Variants in ERF observed in about 807,000 individuals in gnomAD.
ERF encodes the protein ETS domain-containing transcription factor ERF.
ERF carries 10 observed loss-of-function variants against 41.6 expected under a neutral mutation model. The observed-to-expected ratio is 0.24, with a 90% CI of 0.15 to 0.41. The LOEUF (loss-of-function observed/expected upper bound fraction) is 0.41, where lower values mean the gene tolerates loss of function less well. Ranked by LOEUF, ERF falls within the 10% of genes least tolerant of loss-of-function variation. The probability of loss-of-function intolerance (pLI) is 1.00; values close to 1 mark genes in which losing one functional copy is unlikely to be tolerated. For synonymous variants in ERF, 395 were observed against 342.4 expected (o/e 1.15, Z -1.70); for missense variants, 621 against 763.2 (o/e 0.81, Z 2.19).
At chr19:42,254,590 G>C (rs569114767) in intron 1 of ERF, 5 of 191,778 alleles carry the variant, frequency 2.6e-5, no homozygotes, top group East Asian at 2.8e-4. Flanking sequence ...GCGCAGCGCA[G>C]AACCAGGGAT....
intron 1 of ERF, among the ~76,000 whole-genome samples, chr19:42,253,525 G>A (rs1486460816): frequency 1.3e-5 from 2 of 152,112 alleles, no homozygotes; most frequent in African/African-American, 4.8e-5. Flanking sequence ...AAGATGAAGC[G>A]AGGTTGTCTG....
At chr19:42,252,267 G>A (rs1007236025) in intron 1 of ERF, among the ~76,000 whole-genome samples, 1 of 152,122 alleles carries the variant, frequency 6.6e-6, no homozygotes, top group Non-Finnish European at 1.5e-5. Flanking sequence ...CCCCAATCTG[G>A]CTCTAGACCT....
chr19:42,254,228 G>C (rs1272248793), intron 1 of ERF, among the ~76,000 whole-genome samples: 1 of 151,664 alleles, frequency 6.6e-6, no homozygotes, highest in South Asian at 2.1e-4. Flanking sequence ...GGGAGGGGGG[G>C]CGAGGGGGGA....
chr19:42,251,797 G>C (rs1444869481), intron 1 of ERF, among the ~76,000 whole-genome samples: 1 of 152,100 alleles, frequency 6.6e-6, no homozygotes, highest in Non-Finnish European at 1.5e-5. Flanking sequence ...GGAATCCAGG[G>C]AATCAGTAGT....
In ERF at chr19:42,249,022, C is replaced by A. The variant is rs1249674965; in HGVS notation, c.1090G>T (p.Ala364Ser). Residue 364 changes from alanine to serine, a missense_variant, in exon 4 of 4, where the codon GCC (alanine) becomes TCC (serine). Ala to Ser is a moderately conservative substitution (Grantham distance 99, BLOSUM62 1). This residue lies in a region of ERF where 569 missense variants were observed against 625.5 expected (regional missense o/e 0.91). Coordinates refer to ENST00000222329, the MANE Select transcript of ERF (RefSeq NM_006494.4). The surrounding 1 kb of genome is among the most constrained non-coding windows in gnomAD (Gnocchi z 8.6). ...GAAGAAGAAGAAGAGGATGACGAGG[C>A]CGAGGAGGGGACCGGTGGGGTCTCG... ...APETPPVPSS[A>S]SSSSSSSSSP... The A allele has an allele frequency of 6.2e-7, 1 of 1,610,820 alleles. No individual in the cohort carries two copies. The highest frequency in any genetic ancestry group is 1.7e-5 in the Admixed American group (1 of 59,960).
rs542991772 is a variant in ERF, at chr19:42,250,759, G to C, written c.23-194C>G. Among the ~76,000 whole-genome samples, 8 of 152,364 alleles carry C rather than the reference G, an allele frequency of 5.3e-5. No homozygotes were observed. Among genetic ancestry groups the C allele is most frequent in the South Asian group, 2.1e-4 (1 of 4,830 alleles). ...ATGTGAGGGGCTAGACAGGAGCTGG[G>C]GGGGAGGGGAAGCTGGAGCCCGCTC... On this transcript the variant is annotated intron_variant, in intron 1 of 3. Coordinates refer to ENST00000222329, the MANE Select transcript of ERF (RefSeq NM_006494.4). This position sits in a 1 kb window ranked among gnomAD's most constrained non-coding sequence, Gnocchi z 5.1.
rs774366037 is a variant in ERF at position 42,249,275 on chromosome 19, G to A, written c.837C>T (p.Pro279=). Residue 279 remains proline, a synonymous_variant, in exon 4 of 4, where the codon CCC becomes CCT. Coordinates refer to ENST00000222329, the MANE Select transcript of ERF (RefSeq NM_006494.4). This position sits in a 1 kb window ranked among gnomAD's most constrained non-coding sequence, Gnocchi z 8.6. The part of the protein sequence containing the change: ...PMTPTHLAYT[P]SPTLSPMYPS... ...GGTACATCGGGCTCAGCGTGGGCGA[G>A]GGAGTGTAGGCCAGGTGGGTGGGCG... is the stretch of plus-strand genomic sequence containing the variant. 8 of 1,607,482 alleles carry A rather than the reference G, an allele frequency of 5.0e-6. No individual in the cohort carries two copies. The highest frequency in any genetic ancestry group is 4.0e-5 in the African/African-American group (3 of 74,862).
At chr19:42,253,944 C>G (rs539589821) in intron 1 of ERF, 71 of 1,026,662 alleles carry the variant, frequency 6.9e-5, no homozygotes, top group Non-Finnish European at 8.1e-5. Flanking sequence ...TCCCCCGTCC[C>G]CGCCCCGGGC....
At position 42,250,025 on chromosome 19, in the gene ERF, T is replaced by G. The variant is rs2036418044; in HGVS notation, c.258-83A>C. ...CCACACCTTAACACGCACTTAGGTGTGGTTCCCAAAGGCCAACTGAGGAAC... is the reference window on the plus strand; with the variant it reads ...CCACACCTTAACACGCACTTAGGTGGGGTTCCCAAAGGCCAACTGAGGAAC... On this transcript the variant is annotated intron_variant, in intron 2 of 3. Coordinates refer to ENST00000222329, the MANE Select transcript of ERF (RefSeq NM_006494.4). This position sits in a 1 kb window ranked among gnomAD's most constrained non-coding sequence, Gnocchi z 5.1. The G allele has an allele frequency of 7.3e-7, 1 of 1,366,736 alleles. No individual in the cohort carries two copies. Among genetic ancestry groups the G allele is most frequent in the Non-Finnish European group, 1.0e-6 (1 of 957,052 alleles). The allele number at this position is 1,366,736 out of a possible 1,614,324, so 84.7% of individuals were successfully genotyped here.
intron 1 of ERF, chr19:42,253,993 A>T: frequency 1.0e-6 from 1 of 959,848 alleles, no homozygotes; most frequent in Non-Finnish European, 1.2e-6. Flanking sequence ...GGCGGCTGGG[A>T]CCCCTCCCCC....
rs1382447750 is a variant in ERF at position 42,249,641 on chromosome 19, C to G, written c.471G>C (p.Glu157Asp). 10 of 1,610,784 alleles carry G rather than the reference C, an allele frequency of 6.2e-6. No individual in the cohort carries two copies. The Admixed American group carries it at 1.7e-4, about 27-fold the overall frequency. ...AGCAGGCTGGTGGTGAGCGGGGGTCCTCGGTGGGGGACAGCACCTCGGAGG... is the reference window on the plus strand; with the variant it reads ...AGCAGGCTGGTGGTGAGCGGGGGTCGTCGGTGGGGGACAGCACCTCGGAGG... ...STPSEVLSPTEDPRSPPACSS... is the reference protein window; with the variant it reads ...STPSEVLSPTDDPRSPPACSS... The change falls in exon 4 of 4, where the codon GAG becomes GAC. Residue 157 changes from glutamate (E) to aspartate (D), a missense_variant. Glu to Asp is a conservative substitution (Grantham distance 45). This residue lies in a region of ERF where 569 missense variants were observed against 625.5 expected (regional missense o/e 0.91). Coordinates refer to ENST00000222329, the MANE Select transcript of ERF (RefSeq NM_006494.4). The surrounding 1 kb of genome is among the most constrained non-coding windows in gnomAD (Gnocchi z 8.6).
At chr19:42,251,872 C>G (rs752356530) in intron 1 of ERF, among the ~76,000 whole-genome samples, 3 of 152,140 alleles carry the variant, frequency 2.0e-5, no homozygotes, top group Non-Finnish European at 2.9e-5. Context: ...AACTCCTGCC[C>G]AGACTGGGCT....
chr19:42,252,737 A>G (rs2036464989), intron 1 of ERF, among the ~76,000 whole-genome samples: 1 of 147,506 alleles, frequency 6.8e-6, no homozygotes. Flanking sequence ...TGGGGGGGGG[A>G]GAATGAAGAG....
At chr19:42,253,576 T>TGCCCCCAGGGCCCA (rs1159691959) in intron 1 of ERF, among the ~76,000 whole-genome samples, 1 of 152,062 alleles carries the variant, frequency 6.6e-6, no homozygotes, top group African/African-American at 2.4e-5. Context: ...AGGCTCCTGC[T>TGCCCCCAGGGCCCA]GCCCCCAGGG....
At chr19:42,251,814 T>C (rs1323953665) in intron 1 of ERF, among the ~76,000 whole-genome samples, 3 of 151,994 alleles carry the variant, frequency 2.0e-5, no homozygotes, top group African/African-American at 7.3e-5. Flanking sequence ...TAGTTCCTGC[T>C]CCCACAGGGA....
Position 42,250,588 on chromosome 19 carries a change from G to A in ERF, c.23-23C>T, listed in dbSNP as rs769938254. 3.7e-6 allele frequency: 6 copies of A among 1,608,596 alleles called. No individual in the cohort carries two copies. In the Admixed American group the frequency reaches 1.0e-4, roughly 27 times the overall value. ...ACCCTGGGGACGGGAGGCAGGGAGT[G>A]GCCTGGGGTCAGGCTGCCAAGTCCA... On this transcript the variant is annotated intron_variant, in intron 1 of 3. Coordinates refer to ENST00000222329, the MANE Select transcript of ERF (RefSeq NM_006494.4). This position sits in a 1 kb window ranked among gnomAD's most constrained non-coding sequence, Gnocchi z 5.1.
At chr19:42,253,313 G>A (rs2036475587) in intron 1 of ERF, among the ~76,000 whole-genome samples, 1 of 152,208 alleles carries the variant, frequency 6.6e-6, no homozygotes, top group Non-Finnish European at 1.5e-5. Context: ...GCAGAGAGAG[G>A]GACCGGGATG....
intron 1 of ERF, among the ~76,000 whole-genome samples, chr19:42,251,639 GGCGGCTCCCAAATC>G (rs1176470719): frequency 1.3e-5 from 2 of 152,050 alleles, no homozygotes; most frequent in African/African-American, 4.8e-5. Context: ...GCTAAAGATG[GGCGGCTCCCAAATC>G]CAGTCAGGCT....
At chr19:42,253,184 G>C (rs2036473051) in intron 1 of ERF, among the ~76,000 whole-genome samples, 1 of 152,320 alleles carries the variant, frequency 6.6e-6, no homozygotes, top group South Asian at 2.1e-4. Context: ...CGGAAGGGAG[G>C]AGTGGTGGCA....
Sources: allele counts gnomAD v4.1 joint callset (sites outside exome capture counted in the v4.1 genomes callset), GRCh38; gene constraint gnomAD v4.1.1; regional missense constraint gnomAD v4.1.1; non-coding constraint Gnocchi (gnomAD v3.1); transcripts MANE v1.5; gene names NCBI Gene and HGNC (gene_info 2026-07-23, HGNC 2026-07-21).